Variants in DPH6 observed in about 807,000 individuals in gnomAD.
DPH6 encodes the protein diphthine--ammonia ligase.
In DPH6, 33 loss-of-function variants were observed where a neutral mutation model predicts 38.2. The observed-to-expected ratio is 0.86, with a 90% CI of 0.65 to 1.15. The LOEUF (loss-of-function observed/expected upper bound fraction) is 1.15, where lower values mean the gene tolerates loss of function less well. Ranked by LOEUF, DPH6 falls within the 50% of genes most tolerant of loss-of-function variation. The pLI is 0.00. For synonymous variants in DPH6, 108 were observed against 103.0 expected (o/e 1.05, Z -0.30); for missense variants, 325 against 320.0 (o/e 1.02, Z -0.12).
chr15:35,362,265 C>T (rs1240526466), intron 3 of DPH6, among the ~76,000 whole-genome samples: 2 of 152,130 alleles, frequency 1.3e-5, no homozygotes, highest in Non-Finnish European at 1.5e-5. Context: ...TACAGGTTCT[C>T]TGGAACCATT....
intron 5 of DPH6, among the ~76,000 whole-genome samples, chr15:35,447,025 C>T (rs969574970): frequency 6.6e-6 from 1 of 152,068 alleles, no homozygotes; most frequent in African/African-American, 2.4e-5. Context: ...TCCACCACCA[C>T]GCATGGCTAA....
At chr15:35,273,251 G>A (rs775137993) in intron 3 of DPH6, among the ~76,000 whole-genome samples, 5 of 151,988 alleles carry the variant, frequency 3.3e-5, no homozygotes, top group Admixed American at 2.6e-4. Flanking sequence ...CCCATCACCC[G>A]ACCAGTATAT....
At chr15:35,237,826 G>A in intron 3 of DPH6, 2 of 1,429,116 alleles carry the variant, frequency 1.4e-6, no homozygotes, top group Non-Finnish European at 1.9e-6. Flanking sequence ...TGGAGGGCCT[G>A]GAGGAGGAGG....
At chr15:35,222,998 G>A (rs962011340) in intron 3 of DPH6, among the ~76,000 whole-genome samples, 2 of 152,212 alleles carry the variant, frequency 1.3e-5, no homozygotes, top group African/African-American at 2.4e-5. Context: ...CGATTTTGGC[G>A]TCCAAAGACT....
chr15:35,222,008 C>G (rs1036302795), intron 3 of DPH6, among the ~76,000 whole-genome samples: 2 of 152,156 alleles, frequency 1.3e-5, no homozygotes, highest in Non-Finnish European at 2.9e-5. Flanking sequence ...AGTTCTTTGC[C>G]ACTTATAATA....
intron 3 of DPH6, among the ~76,000 whole-genome samples, chr15:35,276,658 T>C (rs560732980): frequency 6.6e-6 from 1 of 152,284 alleles, no homozygotes; most frequent in South Asian, 2.1e-4. Context: ...ATGTGGCTAG[T>C]CAATTATCCC....
chr15:35,525,527 A>C (rs1006073657), intron 3 of DPH6, among the ~76,000 whole-genome samples: 10 of 152,128 alleles, frequency 6.6e-5, no homozygotes, highest in African/African-American at 2.4e-4. Flanking sequence ...GGGACAACTA[A>C]TTATTGAGTA....
rs1165939476 is a variant in DPH6 at position 35,496,567 on chromosome 15, A to AATATATAT, written c.312+41699_312+41706dup. On this transcript the variant is annotated intron_variant, in intron 3 of 8. Coordinates refer to ENST00000256538, the MANE Select transcript of DPH6 (RefSeq NM_080650.4). ...GAAAGTTCCATCTCAAAAAAAAAAA[A>AATATATAT]ATATATATATATATATATATATATC... Among the ~76,000 whole-genome samples, 111 of 30,990 alleles carry AATATATAT rather than the reference A, an allele frequency of 3.6e-3. 9 individuals carry two copies. The highest frequency in any genetic ancestry group is 0.012 in the East Asian group (4 of 328). The allele number at this position is 30,990 out of a possible 152,430, so 20.3% of individuals were successfully genotyped here. A position where few individuals can be genotyped will look rare whatever the true frequency, so the allele number is the denominator to read the frequency against.
intron 3 of DPH6, among the ~76,000 whole-genome samples, chr15:35,238,729 A>G (rs949464025): frequency 9.2e-5 from 14 of 152,158 alleles, no homozygotes; most frequent in Non-Finnish European, 1.8e-4. Flanking sequence ...AAAGAAGTGA[A>G]AAGGCCCTGC....
intron 3 of DPH6, among the ~76,000 whole-genome samples, chr15:35,251,999 C>G (rs2051678246): frequency 6.6e-6 from 1 of 152,026 alleles, no homozygotes; most frequent in African/African-American, 2.4e-5. Flanking sequence ...ATTAGCTAGG[C>G]GTGGTAGTGG....
At chr15:35,497,371 T>C (rs35247433) in intron 3 of DPH6, among the ~76,000 whole-genome samples, 13,625 of 152,300 alleles carry the variant, frequency 0.089, 847 homozygotes, top group Non-Finnish European at 0.14. Context: ...AATTCCTAAC[T>C]AGTTACCCAT....
chr15:35,361,381 G>A (rs2052612696), intron 3 of DPH6, among the ~76,000 whole-genome samples: 1 of 152,134 alleles, frequency 6.6e-6, no homozygotes, highest in South Asian at 2.1e-4. Flanking sequence ...ACTTTCAACA[G>A]TTTGATTGTA....
At chr15:35,162,389 T>C in the DPH6 span, among the ~76,000 whole-genome samples, 1 of 151,868 alleles carries the variant, frequency 6.6e-6, no homozygotes, top group Admixed American at 6.6e-5. Flanking sequence ...TCTCCATCTT[T>C]CCAATGTTTT....
intron 3 of DPH6, chr15:35,522,232 A>C: frequency 1.2e-6 from 2 of 1,613,286 alleles, no homozygotes; most frequent in African/African-American, 1.3e-5. Flanking sequence ...AAAATCTTGG[A>C]GATTCAGAGC....
At chr15:35,174,913 A>G in the DPH6 span, among the ~76,000 whole-genome samples, 25,838 of 151,662 alleles carry the variant, frequency 0.17, 2,644 homozygotes, top group East Asian at 0.37. Context: ...AATTTAAAAA[A>G]TATGTGTATC....
At chr15:35,439,909 T>C (rs531108573) in intron 5 of DPH6, among the ~76,000 whole-genome samples, 1 of 152,358 alleles carries the variant, frequency 6.6e-6, no homozygotes, top group East Asian at 1.9e-4. Flanking sequence ...AAGCCAAGTA[T>C]GAGACTAAAG....
At chr15:35,163,577 G>T in the DPH6 span, among the ~76,000 whole-genome samples, 3 of 151,884 alleles carry the variant, frequency 2.0e-5, no homozygotes, top group Non-Finnish European at 4.4e-5. Flanking sequence ...TATGCTAAGT[G>T]GTTTATCCAA....
the DPH6 span, among the ~76,000 whole-genome samples, chr15:35,160,658 A>G: frequency 6.6e-6 from 1 of 151,764 alleles, no homozygotes; most frequent in Non-Finnish European, 1.5e-5. Flanking sequence ...CTTTGTGTTC[A>G]TGTGTACTCA....
At chr15:35,491,275 C>T (rs1052848359) in intron 3 of DPH6, among the ~76,000 whole-genome samples, 10 of 151,942 alleles carry the variant, frequency 6.6e-5, no homozygotes, top group African/African-American at 2.2e-4. Flanking sequence ...TGAACGCCTA[C>T]ATAAAGTACC....
Sources: gnomAD v4.1 joint callset for allele counts (sites outside exome capture counted in the v4.1 genomes callset) on GRCh38, gnomAD v4.1.1 for gene constraint, MANE v1.5 for transcripts, NCBI Gene and HGNC (gene_info 2026-07-23, HGNC 2026-07-21) for gene names.